DOP1B: variants seen among roughly 807,000 people sequenced by gnomAD.
The protein encoded by DOP1B is protein DOP1B.
A neutral mutation model predicts 233.5 loss-of-function variants in DOP1B; 174 were observed. The ratio of observed to expected loss-of-function variants is 0.75; its 90% CI spans 0.66 to 0.85. DOP1B has a LOEUF of 0.85. Ranked by LOEUF, DOP1B falls within the 40% of genes least tolerant of loss-of-function variation. The pLI is 0.00. For missense variants in DOP1B, 2,652 were observed against 2,846.6 expected (o/e 0.93, Z 1.56); for synonymous variants, 1,190 against 1,185.6 (o/e 1.00, Z -0.08).
At chr21:36,265,523 G>T (rs1470359380) in intron 26 of DOP1B, among the ~76,000 whole-genome samples, 1 of 152,222 alleles carries the variant, frequency 6.6e-6, no homozygotes, top group African/African-American at 2.4e-5. Context: ...ACGTCCAGGT[G>T]CTGGGATAGC....
chr21:36,237,656 G>A (rs2835323), intron 16 of DOP1B, among the ~76,000 whole-genome samples: 21,508 of 152,204 alleles, frequency 0.14, 1,629 homozygotes, highest in South Asian at 0.26. Context: ...AGGGAAACCT[G>A]CCCAAACTTG....
chr21:36,277,614 G>A (rs1203237034), intron 28 of DOP1B, among the ~76,000 whole-genome samples: 1 of 140,770 alleles, frequency 7.1e-6, no homozygotes, highest in Non-Finnish European at 1.5e-5. Context: ...TCGCTTCCAA[G>A]GGTTTCTGTT....
In DOP1B at chr21:36,227,794, G is replaced by A; in HGVS notation, c.1582G>A (p.Ala528Thr). Residue 528 changes from alanine to threonine, a missense_variant, in exon 13 of 37, where the codon GCC becomes ACC. Physicochemically the swap from Ala to Thr is moderately conservative, Grantham distance 58 (BLOSUM62 0). This residue lies in a region of DOP1B where 2,617 missense variants were observed against 2,794.3 expected (regional missense o/e 0.94). Coordinates refer to ENST00000691173, the MANE Select transcript of DOP1B (RefSeq NM_001320714.2). ...CTTAAGTTTACCTGAACTCACGCAT[G>A]CCTTGAAGACGTGTTTCAAGGTGCT... is the stretch of plus-strand genomic sequence containing the variant. ...EALSLPELTH[A>T]LKTCFKVLSK... 6.2e-7 allele frequency: 1 copy of A among 1,613,866 alleles called. No homozygotes were observed. The highest frequency in any genetic ancestry group is 1.7e-4 in the Middle Eastern group (1 of 6,036).
chr21:36,281,484 C>T lies in DOP1B; in HGVS notation c.6033C>T (p.Asn2011=), dbSNP rs201405538. The change falls in exon 32 of 37, where the codon AAC becomes AAT. Residue 2011 remains asparagine (N), a splice_region_variant and synonymous_variant. Transcript: ENST00000691173. ...HEKTMFKDLM[N]MQSSSLKLFS... Reference sequence around the variant, plus strand: ...AAAACATTGCTGTATTTATTCTAGACATGCAGAGCAGTTCTTTGAAACTAT... The same window carrying T: ...AAAACATTGCTGTATTTATTCTAGATATGCAGAGCAGTTCTTTGAAACTAT... 1.0e-4 allele frequency: 162 copies of T among 1,591,838 alleles called. No individual in the cohort carries two copies. The highest frequency in any genetic ancestry group is 1.3e-4 in the Non-Finnish European group (147 of 1,162,850).
intron 13 of DOP1B, among the ~76,000 whole-genome samples, chr21:36,228,997 C>A (rs1444665629): frequency 6.6e-6 from 1 of 151,984 alleles, no homozygotes; most frequent in Non-Finnish European, 1.5e-5. Flanking sequence ...AGTTTAGCAC[C>A]CTTTGTTTCA....
intron 12 of DOP1B, among the ~76,000 whole-genome samples, chr21:36,227,474 G>A (rs1330764166): frequency 6.6e-6 from 1 of 151,706 alleles, no homozygotes; most frequent in Non-Finnish European, 1.5e-5. Flanking sequence ...GTGAACCCGG[G>A]AGGCTGAGCT....
At position 36,246,842 on chromosome 21, in the gene DOP1B, CATTATGTTATGTTATGTTAT is replaced by C. The variant is rs2066971713; in HGVS notation, c.4697+166_4697+185del. 2.3e-5 allele frequency among the ~76,000 whole-genome samples: 3 copies of C among 132,270 alleles called. No individual in the cohort carries two copies. Among genetic ancestry groups the C allele is most frequent in the African/African-American group, 9.1e-5 (3 of 33,058 alleles). 86.8% of individuals were successfully genotyped at this position (132,270 alleles called of 152,430 possible). A position where few individuals can be genotyped will look rare whatever the true frequency, so the allele number is the denominator to read the frequency against. On this transcript the variant is annotated intron_variant, in intron 19 of 36. Coordinates refer to ENST00000691173, the MANE Select transcript of DOP1B (RefSeq NM_001320714.2). This position sits in a 1 kb window ranked among gnomAD's most constrained non-coding sequence, Gnocchi z 5.1. ...TAACAAGCAACTAAATGTTCTGATC[CATTATGTTATGTTATGTTAT>C]GTTATGTTATGTTATGTTATGTTAT...
chr21:36,199,570 G>A lies in DOP1B; in HGVS notation c.320+319G>A, dbSNP rs534573386. ...TCATTTACATTAGGTGTATCTCCTA[G>A]TGCTATCCCTCCCCACTCCCCCGAC... On this transcript the variant is annotated intron_variant, in intron 3 of 36. Transcript: ENST00000691173. Among the ~76,000 whole-genome samples, 51 of 152,094 alleles carry A rather than the reference G, an allele frequency of 3.4e-4. No individual in the cohort carries two copies. In the South Asian group the frequency reaches 6.9e-3, roughly 20 times the overall value.
rs1387282844 is a variant in DOP1B at position 36,288,046 on chromosome 21, A to C, written c.6193A>C (p.Thr2065Pro). The C allele has an allele frequency of 1.2e-6, 2 of 1,614,080 alleles. No homozygotes were observed. Among genetic ancestry groups the C allele is most frequent in the South Asian group, 2.2e-5 (2 of 91,042 alleles). Residue 2065 changes from threonine to proline, a missense_variant, in exon 33 of 37, where the codon ACA becomes CCA. Physicochemically the swap from Thr to Pro is conservative, Grantham distance 38 (BLOSUM62 -1). Transcript: ENST00000691173. The part of the protein sequence containing the change: ...RLTDNLRVGQ[T>P]SIVAAQMFLF... ...GACAGACAATCTCAGAGTTGGACAGACATCCATAGTTGCTGCTCAGATGTT... is the reference window on the plus strand; with the variant it reads ...GACAGACAATCTCAGAGTTGGACAGCCATCCATAGTTGCTGCTCAGATGTT...
rs750422482 is a variant in DOP1B at position 36,293,512 on chromosome 21, A to T, written c.6838A>T (p.Ile2280Phe). Reference protein sequence around the residue: ...LDFPVTDSPRILKQLEECIEY... With the variant: ...LDFPVTDSPRFLKQLEECIEY... ...CTTTCCTGTCACAGATAGCCCAAGG[A>T]TCTTAAAACAACTGGAAGAATGCAT... The change falls in exon 37 of 37, where the codon ATC becomes TTC. Residue 2280 changes from isoleucine (I) to phenylalanine (F), a missense_variant. Ile to Phe is a conservative substitution (Grantham distance 21). This residue lies in a region of DOP1B where 31 missense variants were observed against 34.2 expected (regional missense o/e 0.91). Coordinates refer to ENST00000691173, the MANE Select transcript of DOP1B (RefSeq NM_001320714.2). 8 of 1,614,154 alleles carry T rather than the reference A, an allele frequency of 5.0e-6. No individual in the cohort carries two copies. In the South Asian group the frequency reaches 5.5e-5, roughly 11 times the overall value.
chr21:36,271,620 G>T (rs1017495041), intron 27 of DOP1B, among the ~76,000 whole-genome samples: 8 of 151,780 alleles, frequency 5.3e-5, no homozygotes, highest in African/African-American at 1.5e-4. Context: ...TGTCTGTTTT[G>T]ACTTTTTACA....
chr21:36,227,231 TA>T (rs1425960724), intron 12 of DOP1B, among the ~76,000 whole-genome samples: 5 of 144,192 alleles, frequency 3.5e-5, no homozygotes, highest in Admixed American at 7.1e-5. Context: ...AATAAATAAA[TA>T]AAATAAAATA....
intron 4 of DOP1B, among the ~76,000 whole-genome samples, chr21:36,205,232 G>A (rs1330762367): frequency 6.6e-6 from 1 of 152,240 alleles, no homozygotes; most frequent in African/African-American, 2.4e-5. Context: ...CCACTCACCT[G>A]CTCTCAGTTG....
At chr21:36,277,000 A>G (rs2067357202) in intron 27 of DOP1B, 21 bp from the exon 28 acceptor site, 2 of 1,613,552 alleles carry the variant, frequency 1.2e-6, no homozygotes, top group African/African-American at 1.3e-5. Flanking sequence ...TTAACATACA[A>G]ATGGCTCTTT....
At chr21:36,161,916 A>G (rs1195045107) in intron 1 of DOP1B, among the ~76,000 whole-genome samples, 1 of 152,146 alleles carries the variant, frequency 6.6e-6, no homozygotes, top group African/African-American at 2.4e-5. Flanking sequence ...GGGTTCATCC[A>G]AGTTGCGGCG....
chr21:36,219,312 C>T, intron 9 of DOP1B, 60 bp from the exon 10 acceptor site: 2 of 1,605,428 alleles, frequency 1.2e-6, no homozygotes, highest in South Asian at 2.2e-5. Context: ...ATACATATGT[C>T]ACTTACTGAT....
At chr21:36,176,095 T>C (rs1025054282) in intron 2 of DOP1B, among the ~76,000 whole-genome samples, 3 of 142,406 alleles carry the variant, frequency 2.1e-5, no homozygotes, top group Admixed American at 7.3e-5. Context: ...GGGGTGTGTG[T>C]GCGTGTGTGT....
At position 36,219,489 on chromosome 21, in the gene DOP1B, T is replaced by G. The variant is rs768922238; in HGVS notation, c.1247T>G (p.Ile416Arg). The change falls in exon 10 of 37, where the codon ATA (isoleucine) becomes AGA (arginine). Residue 416 changes from isoleucine (I) to arginine (R), a missense_variant. Transcript: ENST00000691173. ...TACACCCAGAGTGGAAATTCGCTGA[T>G]AAGGTATGGGTTTGGCCTTGAACCT... is the stretch of plus-strand genomic sequence containing the variant. ...LSYTQSGNSL[I>R]SAIKENRNAS... 1 of 1,614,126 alleles carries G rather than the reference T, an allele frequency of 6.2e-7. No homozygotes were observed. The highest frequency in any genetic ancestry group is 8.5e-7 in the Non-Finnish European group (1 of 1,180,012).
Position 36,189,506 on chromosome 21 carries a change from G to A in DOP1B, c.139-9564G>A, listed in dbSNP as rs140354414. ...TCCCAGCACTTTGGGAGGCCAAGAC[G>A]GTGGATCACAAGGTCAGGAGTTCGA... On this transcript the variant is annotated intron_variant, in intron 2 of 36. Coordinates refer to ENST00000691173, the MANE Select transcript of DOP1B (RefSeq NM_001320714.2). 3.0e-3 allele frequency among the ~76,000 whole-genome samples: 457 copies of A among 150,192 alleles called. 1 individual carries two copies. The highest frequency in any genetic ancestry group is 0.011 in the African/African-American group (440 of 40,848).
Sources: gnomAD v4.1 joint callset for allele counts (sites outside exome capture counted in the v4.1 genomes callset) on GRCh38, gnomAD v4.1.1 for gene constraint, gnomAD v4.1.1 regional missense constraint, Gnocchi (gnomAD v3.1) non-coding constraint, MANE v1.5 for transcripts, NCBI Gene and HGNC (gene_info 2026-07-23, HGNC 2026-07-21) for gene names.